LMTK2: variants seen among roughly 807,000 people sequenced by gnomAD.
LMTK2 encodes serine/threonine-protein kinase LMTK2.
A neutral mutation model predicts 127.5 loss-of-function variants in LMTK2; 37 were observed. The observed-to-expected ratio is 0.29, with a 90% CI of 0.22 to 0.38. The LOEUF (loss-of-function observed/expected upper bound fraction) is 0.38. Among genes scored for constraint, LMTK2 ranks in the 10% least tolerant of loss-of-function variants. The pLI is 1.00. For synonymous variants in LMTK2, 819 were observed against 810.1 expected (o/e 1.01, Z -0.19); for missense variants, 1,694 against 1,920.3 (o/e 0.88, Z 2.20).
In LMTK2 at chr7:98,141,318, G is replaced by A. The variant is rs1796695710; in HGVS notation, c.232-79G>A. On this transcript the variant is annotated intron_variant, in intron 2 of 13. Transcript: ENST00000297293. ...TGGAAAAAAATAATTGTGGCAGCAA[G>A]TTCCAAATCATTGTGCAAATATGTT... is the stretch of plus-strand genomic sequence containing the variant. The A allele has an allele frequency of 4.4e-6, 6 of 1,359,178 alleles. No homozygotes were observed. The East Asian group carries it at 1.2e-4, about 26-fold the overall frequency. The allele number at this position is 1,359,178 out of a possible 1,614,324, so 84.2% of individuals were successfully genotyped here.
At chr7:98,153,198 C>A (rs558807723) in intron 4 of LMTK2, among the ~76,000 whole-genome samples, 1 of 152,188 alleles carries the variant, frequency 6.6e-6, no homozygotes, top group South Asian at 2.1e-4. Flanking sequence ...ACATGTAAAT[C>A]CGAGTGATCT....
chr7:98,136,757 G>T (rs562558877), intron 1 of LMTK2, among the ~76,000 whole-genome samples: 1 of 152,282 alleles, frequency 6.6e-6, no homozygotes, highest in East Asian at 1.9e-4. Context: ...CACAACCTTG[G>T]TCTAATCCTG....
chr7:98,143,897 A>G (rs999324291), intron 3 of LMTK2, among the ~76,000 whole-genome samples: 2 of 152,184 alleles, frequency 1.3e-5, no homozygotes, highest in African/African-American at 4.8e-5. Context: ...TCAATATGCA[A>G]TTTGCTAAAT....
intron 8 of LMTK2, among the ~76,000 whole-genome samples, chr7:98,185,891 C>G (rs1317361552): frequency 6.6e-6 from 1 of 151,972 alleles, no homozygotes; most frequent in Non-Finnish European, 1.5e-5. Context: ...CAGCAACATA[C>G]GGATAAGATC....
intron 10 of LMTK2, 91 bp downstream of exon 10, chr7:98,190,968 T>G (rs1797514106): frequency 8.3e-7 from 1 of 1,207,346 alleles, no homozygotes. Flanking sequence ...AATATTATGT[T>G]TCTTCATTTC....
In LMTK2 at chr7:98,151,166, C is replaced by T. The variant is rs140306228; in HGVS notation, c.377-216C>T. On this transcript the variant is annotated intron_variant, in intron 3 of 13. Transcript: ENST00000297293. ...TAGCTGGATCGGAAAAAAAACAATGCGCAAGGTATTAAAGAATTGGTAGGA... is the reference window on the plus strand; with the variant it reads ...TAGCTGGATCGGAAAAAAAACAATGTGCAAGGTATTAAAGAATTGGTAGGA... Among the ~76,000 whole-genome samples, 7 of 152,022 alleles carry T rather than the reference C, an allele frequency of 4.6e-5. No individual in the cohort carries two copies. In the East Asian group the frequency reaches 7.7e-4, roughly 17 times the overall value.
intron 9 of LMTK2, among the ~76,000 whole-genome samples, chr7:98,187,842 C>A (rs1334846393): frequency 2.0e-5 from 3 of 152,136 alleles, no homozygotes; most frequent in Non-Finnish European, 4.4e-5. Context: ...AGTGATCCGC[C>A]TGCCTCGTCC....
At position 98,208,730 on chromosome 7, in the gene LMTK2, C is replaced by G. The variant is rs1399733157; in HGVS notation, c.*3238C>G. Reference sequence around the variant, plus strand: ...CTCCCCACATCCTTCTGAGACTTGGCCTGTGTGTGTGGACGAGAAGCCATT... The same window carrying G: ...CTCCCCACATCCTTCTGAGACTTGGGCTGTGTGTGTGGACGAGAAGCCATT... On this transcript the variant is annotated 3_prime_UTR_variant, in exon 14 of 14. Coordinates refer to ENST00000297293, the MANE Select transcript of LMTK2 (RefSeq NM_014916.4). 1 of 152,242 alleles carries G rather than the reference C, an allele frequency of 6.6e-6. No individual in the cohort carries two copies. Among genetic ancestry groups the G allele is most frequent in the African/African-American group, 2.4e-5 (1 of 41,462 alleles). 9.4% of individuals were successfully genotyped at this position (152,242 alleles called of 1,614,324 possible).
chr7:98,192,350 G>A lies in LMTK2; in HGVS notation c.1885G>A (p.Glu629Lys), dbSNP rs144529786. Residue 629 changes from glutamate (E) to lysine (K), a missense_variant, in exon 11 of 14, where the codon GAG becomes AAG. By Grantham distance (56) the Glu-to-Lys change is moderately conservative. Coordinates refer to ENST00000297293, the MANE Select transcript of LMTK2 (RefSeq NM_014916.4). ...PGDLHVTSGPESPFNNIFNDV... is the reference protein window; with the variant it reads ...PGDLHVTSGPKSPFNNIFNDV... Reference sequence around the variant, plus strand: ...GGACTTACACGTGACCAGTGGCCCCGAGAGCCCTTTCAACAATATATTTAA... The same window carrying A: ...GGACTTACACGTGACCAGTGGCCCCAAGAGCCCTTTCAACAATATATTTAA... 71 of 1,585,092 alleles carry A rather than the reference G, an allele frequency of 4.5e-5. No homozygotes were observed. In the African/African-American group the frequency reaches 8.4e-4, roughly 19 times the overall value.
chr7:98,186,512 G>A (rs750089517), intron 8 of LMTK2, among the ~76,000 whole-genome samples: 1 of 152,190 alleles, frequency 6.6e-6, no homozygotes, highest in African/African-American at 2.4e-5. Context: ...GTCTGTCAGA[G>A]TCTAAAGCCT....
chr7:98,122,086 A>G (rs1443069957), intron 1 of LMTK2, among the ~76,000 whole-genome samples: 1 of 152,254 alleles, frequency 6.6e-6, no homozygotes, highest in Non-Finnish European at 1.5e-5. Context: ...AGGTAATAAA[A>G]ATGTTTCTGA....
At chr7:98,153,733 G>T (rs1796888976) in intron 4 of LMTK2, among the ~76,000 whole-genome samples, 1 of 152,128 alleles carries the variant, frequency 6.6e-6, no homozygotes, top group African/African-American at 2.4e-5. Flanking sequence ...GAGTGGGATG[G>T]CACACGCCTG....
intron 3 of LMTK2, among the ~76,000 whole-genome samples, chr7:98,151,171 G>A (rs1008019647): frequency 6.6e-6 from 1 of 151,964 alleles, no homozygotes; most frequent in Non-Finnish European, 1.5e-5. Flanking sequence ...CAATGCGCAA[G>A]GTATTAAAGA....
intron 9 of LMTK2, among the ~76,000 whole-genome samples, chr7:98,187,584 A>G (rs1365169764): frequency 6.6e-6 from 1 of 150,942 alleles, no homozygotes; most frequent in Non-Finnish European, 1.5e-5. Flanking sequence ...ACAGTGATAT[A>G]TATATATGTT....
intron 3 of LMTK2, among the ~76,000 whole-genome samples, chr7:98,150,773 G>A (rs1796841632): frequency 6.6e-6 from 1 of 152,194 alleles, no homozygotes; most frequent in South Asian, 2.1e-4. Flanking sequence ...CATACCATAT[G>A]ATTCTGGTTG....
chr7:98,119,345 T>A (rs961904180), intron 1 of LMTK2, among the ~76,000 whole-genome samples: 34 of 152,148 alleles, frequency 2.2e-4, no homozygotes, highest in African/African-American at 7.0e-4. Flanking sequence ...TCCATTTGAT[T>A]AAAAACTTGA....
At chr7:98,141,367 G>A (rs1383062150) in intron 2 of LMTK2, 30 bp from the exon 3 acceptor site, 1 of 1,603,216 alleles carries the variant, frequency 6.2e-7, no homozygotes, top group African/African-American at 1.3e-5. Context: ...TTAGCCAATG[G>A]TTTTTAATGC....
chr7:98,154,923 T>C lies in LMTK2; in HGVS notation c.569+47T>C, dbSNP rs767867332. 7 of 1,109,416 alleles carry C rather than the reference T, an allele frequency of 6.3e-6. No homozygotes were observed. In the South Asian group the frequency reaches 7.5e-5, roughly 12 times the overall value. The allele number at this position is 1,109,416 out of a possible 1,614,324, so 68.7% of individuals were successfully genotyped here. ...TTCTGTAAGACTAGTCTGTGGTCTG[T>C]TGAAGGTCAGGTGTTTAAAACTACT... On this transcript the variant is annotated intron_variant, in intron 5 of 13. Transcript: ENST00000297293.
intron 8 of LMTK2, among the ~76,000 whole-genome samples, 185 bp downstream of exon 8, chr7:98,185,320 C>T (rs1797416944): frequency 6.6e-6 from 1 of 152,188 alleles, no homozygotes; most frequent in African/African-American, 2.4e-5. Flanking sequence ...TGCGGCTTTG[C>T]ATCCGAGGTT....
Sources: allele counts gnomAD v4.1 joint callset (sites outside exome capture counted in the v4.1 genomes callset), GRCh38; gene constraint gnomAD v4.1.1; transcripts MANE v1.5; gene names NCBI Gene and HGNC (gene_info 2026-07-23, HGNC 2026-07-21).